The following KLHDC4 variants were observed in gnomAD, a reference collection of about 807,000 sequenced individuals.
KLHDC4 encodes kelch domain-containing protein 4.
In KLHDC4, 90 loss-of-function variants were observed where a neutral mutation model predicts 62.4. The ratio of observed to expected loss-of-function variants is 1.44; its 90% CI spans 1.22 to 1.72. The LOEUF (loss-of-function observed/expected upper bound fraction) is 1.72. Ranked by LOEUF, KLHDC4 falls within the 40% of genes most tolerant of loss-of-function variation. KLHDC4 has a pLI of 0.00. For synonymous variants in KLHDC4, 386 were observed against 284.4 expected (o/e 1.36, Z -3.59); for missense variants, 1,025 against 699.7 (o/e 1.47, Z -5.25).
chr16:87,725,257 G>C (rs2039144356), intron 7 of KLHDC4, among the ~76,000 whole-genome samples: 2 of 152,186 alleles, frequency 1.3e-5, no homozygotes, highest in African/African-American at 4.8e-5. Context: ...TTGTAAAAAT[G>C]TGTCCCCTCA....
At chr16:87,703,187 G>T (rs1362378108), downstream of KLHDC4, 1 of 152,136 alleles carries the variant, frequency 6.6e-6, no homozygotes, top group Non-Finnish European at 1.5e-5. Flanking sequence ...CAGGAAACGT[G>T]CTGTGAGCAG....
At chr16:87,721,986 G>A (rs1476601855) in intron 7 of KLHDC4, among the ~76,000 whole-genome samples, 1 of 152,106 alleles carries the variant, frequency 6.6e-6, no homozygotes, top group Non-Finnish European at 1.5e-5. Flanking sequence ...AAAGAGCTGT[G>A]CTGGTTCCCT....
chr16:87,714,465 C>A (rs1390360032), intron 8 of KLHDC4, 33 bp downstream of exon 8: 3 of 1,612,792 alleles, frequency 1.9e-6, no homozygotes, highest in Non-Finnish European at 2.5e-6. Context: ...CACAGACCAG[C>A]CAGCTCCCGC....
intron 4 of KLHDC4, 63 bp downstream of exon 4, chr16:87,755,131 G>C (rs762689039): frequency 2.3e-5 from 26 of 1,131,336 alleles, no homozygotes; most frequent in Middle Eastern, 2.6e-4. Context: ...TCAACTCTCC[G>C]TGTGTCTACC....
chr16:87,760,473 G>A (rs2045697345), intron 2 of KLHDC4, among the ~76,000 whole-genome samples: 1 of 151,636 alleles, frequency 6.6e-6, no homozygotes, highest in Non-Finnish European at 1.5e-5. Context: ...CAGGCTTGGT[G>A]GCGGGTGCCT....
intron 1 of KLHDC4, 97 bp from the exon 2 acceptor site, chr16:87,762,137 G>A (rs968645971): frequency 1.9e-6 from 3 of 1,554,200 alleles, no homozygotes; most frequent in Non-Finnish European, 2.6e-6. Flanking sequence ...TGATTCGACT[G>A]GGCTCAGTCA....
intron 7 of KLHDC4, among the ~76,000 whole-genome samples, chr16:87,720,045 C>G (rs554196520): frequency 6.6e-6 from 1 of 152,342 alleles, no homozygotes; most frequent in South Asian, 2.1e-4. Flanking sequence ...GCTTAGCCTG[C>G]AGTGAGTCCT....
At chr16:87,748,098 C>T (rs931965379) in intron 5 of KLHDC4, among the ~76,000 whole-genome samples, 3 of 152,208 alleles carry the variant, frequency 2.0e-5, no homozygotes, top group Non-Finnish European at 4.4e-5. Context: ...GCTCTCTACA[C>T]GGAGAGACAA....
intron 5 of KLHDC4, among the ~76,000 whole-genome samples, chr16:87,731,398 A>T (rs2040345445): frequency 6.6e-6 from 1 of 152,106 alleles, no homozygotes; most frequent in Non-Finnish European, 1.5e-5. Context: ...TAGTAAGATA[A>T]ATGACCCAAT....
intron 7 of KLHDC4, among the ~76,000 whole-genome samples, chr16:87,724,286 T>A (rs529543116): frequency 3.9e-5 from 6 of 152,188 alleles, no homozygotes; most frequent in South Asian, 2.1e-4. Context: ...TAGAGAAAAA[T>A]AAAAGAAAAT....
chr16:87,709,526 C>T lies in KLHDC4; in HGVS notation c.1186G>A (p.Val396Ile), dbSNP rs546739765. 2 of 1,612,350 alleles carry T rather than the reference C, an allele frequency of 1.2e-6. No homozygotes were observed. The highest frequency in any genetic ancestry group is 3.3e-4 in the Middle Eastern group (2 of 6,062). The change falls in exon 10 of 12, where the codon GTC becomes ATC. Residue 396 changes from valine (V) to isoleucine (I), a missense_variant. Transcript: ENST00000270583. The part of the protein sequence containing the change: ...KEVVAEDGTV[V>I]TIKQVLTAPG... ...GCGGTGAGCACCTGCTTAATGGTGA[C>T]CACGGTGCCATCCTCGGCCACCACC...
At chr16:87,764,815 A>T (rs531357279) in intron 1 of KLHDC4, among the ~76,000 whole-genome samples, 137 of 144,684 alleles carry the variant, frequency 9.5e-4, no homozygotes, top group Admixed American at 3.4e-3. Context: ...CCTAGGTGAC[A>T]GAGCAAGACT....
At chr16:87,708,206 C>G (rs1308896457) in intron 11 of KLHDC4, 131 bp from the exon 12 acceptor site, 1 of 625,840 alleles carries the variant, frequency 1.6e-6, no homozygotes, top group South Asian at 1.9e-5. Flanking sequence ...ACACGGCACT[C>G]ATTAGCAAGC....
intron 2 of KLHDC4, among the ~76,000 whole-genome samples, chr16:87,758,838 G>A (rs546218862): frequency 2.6e-5 from 4 of 152,190 alleles, no homozygotes; most frequent in Non-Finnish European, 5.9e-5. Flanking sequence ...GTTGCACAGC[G>A]ACATGAAGTA....
intron 5 of KLHDC4, among the ~76,000 whole-genome samples, chr16:87,746,379 G>T (rs533909842): frequency 1.3e-5 from 2 of 151,488 alleles, no homozygotes; most frequent in Non-Finnish European, 2.9e-5. Flanking sequence ...GAGCGAGAAA[G>T]AGAGAAAGAG....
At position 87,727,465 on chromosome 16, in the gene KLHDC4, G is replaced by A. The variant is rs140970994; in HGVS notation, c.600-541C>T. ...GGTAAGGCCCCACAGTGGACTGGAG[G>A]GGTGAGCGAGGGGACTGGGCGCTCC... is the stretch of plus-strand genomic sequence containing the variant. On this transcript the variant is annotated intron_variant, in intron 6 of 11. Coordinates refer to ENST00000270583, the MANE Select transcript of KLHDC4 (RefSeq NM_017566.4). Among the ~76,000 whole-genome samples, 1,337 of 152,292 alleles carry A rather than the reference G, an allele frequency of 8.8e-3. 8 individuals carry two copies. The highest frequency in any genetic ancestry group is 0.014 in the Non-Finnish European group (974 of 68,022).
At chr16:87,759,656 GAATCA>G (rs1289579516) in intron 2 of KLHDC4, among the ~76,000 whole-genome samples, 2 of 149,748 alleles carry the variant, frequency 1.3e-5, no homozygotes, top group East Asian at 4.1e-4. Flanking sequence ...TGAGGCAGGA[GAATCA>G]CTTGAACCTA....
intron 10 of KLHDC4, 82 bp from the exon 11 acceptor site, chr16:87,708,548 C>G (rs772089298): frequency 1.1e-6 from 1 of 931,254 alleles, no homozygotes; most frequent in South Asian, 2.3e-5. Flanking sequence ...GTGGCTACGT[C>G]CTGGGGGGAT....
intron 7 of KLHDC4, among the ~76,000 whole-genome samples, chr16:87,715,826 C>T (rs191572563): frequency 4.5e-4 from 68 of 152,332 alleles, no homozygotes; most frequent in Non-Finnish European, 8.5e-4. Context: ...CAGATATTGA[C>T]ACAGACTTCG....
Sources: allele counts gnomAD v4.1 joint callset (sites outside exome capture counted in the v4.1 genomes callset), GRCh38; gene constraint gnomAD v4.1.1; transcripts MANE v1.5; gene names NCBI Gene and HGNC (gene_info 2026-07-23, HGNC 2026-07-21).